Variants in SHANK1 observed in about 807,000 individuals in gnomAD.
The protein encoded by SHANK1 is SH3 and multiple ankyrin repeat domains 1.
A neutral mutation model predicts 165.6 loss-of-function variants in SHANK1; 35 were observed. The observed-to-expected ratio is 0.21, with a 90% CI of 0.16 to 0.28. The LOEUF is 0.28. Ranked by LOEUF, SHANK1 falls within the 10% of genes least tolerant of loss-of-function variation. The pLI, the probability that SHANK1 is intolerant of heterozygous loss-of-function variation, is 1.00. For synonymous variants in SHANK1, 1,428 were observed against 1,384.8 expected, an observed-to-expected ratio of 1.03 and a Z score of -0.69; for missense variants, 2,681 against 3,036.4, an observed-to-expected ratio of 0.88 and a Z score of 2.75.
At position 50,702,899 on chromosome 19, in the gene SHANK1, C is replaced by T. The variant is rs1050929685; in HGVS notation, c.1554-239G>A. Among the ~76,000 whole-genome samples, 11 of 152,116 alleles carry T rather than the reference C, an allele frequency of 7.2e-5. No homozygotes were observed. The highest frequency in any genetic ancestry group is 2.2e-4 in the African/African-American group (9 of 41,416). On this transcript the variant is annotated intron_variant, in intron 11 of 23. Coordinates refer to ENST00000293441, the MANE Select transcript of SHANK1 (RefSeq NM_016148.5). The surrounding 1 kb of genome is among the most constrained non-coding windows in gnomAD (Gnocchi z 5.3). ...GGCTCTGCCCCCTCCCACGGTCCTG[C>T]GCGCACCGCCTGATTCAGCTTCCTG...
chr19:50,710,064 G>A (rs1467735225), intron 8 of SHANK1, among the ~76,000 whole-genome samples: 3 of 152,166 alleles, frequency 2.0e-5, no homozygotes, highest in African/African-American at 7.2e-5. Flanking sequence ...GCCTCAAAGA[G>A]GGGGAGGGAC....
At chr19:50,664,805 A>C (rs1437955785) in intron 23 of SHANK1, among the ~76,000 whole-genome samples, 1 of 152,082 alleles carries the variant, frequency 6.6e-6, no homozygotes, top group African/African-American at 2.4e-5. Context: ...CCCAGGCTGG[A>C]GCACAGTGGT....
chr19:50,687,569 C>T lies in SHANK1; in HGVS notation c.2389+13G>A, dbSNP rs982599036. Reference sequence around the variant, plus strand: ...CCCCCGGCCCCCTGGCCTCAGCAGCCCCGCAGGCTCACCCATCTCCTCCAG... The same window carrying T: ...CCCCCGGCCCCCTGGCCTCAGCAGCTCCGCAGGCTCACCCATCTCCTCCAG... On this transcript the variant is annotated intron_variant, in intron 19 of 23. Transcript: ENST00000293441. 27 of 1,546,294 alleles carry T rather than the reference C, an allele frequency of 1.7e-5. No individual in the cohort carries two copies. The highest frequency in any genetic ancestry group is 1.2e-4 in the Admixed American group (6 of 49,948).
chr19:50,689,401 G>C (rs956812087), intron 15 of SHANK1, 122 bp from the exon 16 acceptor site: 1 of 759,586 alleles, frequency 1.3e-6, no homozygotes, highest in Non-Finnish European at 2.4e-6. Flanking sequence ...GCCATTAATT[G>C]CATCTCCTAG....
Position 50,667,616 on chromosome 19 carries a change from C to A in SHANK1, c.4344G>T (p.Leu1448=). ...GCCCCACCCCGGGAGCGGTGGGCGG[C>A]AGGCGGTGTAGCAGGGAACGCCGGG... ...PAARRSLLHR[L]PPTAPGVGPL... The change falls in exon 23 of 24, where the codon CTG becomes CTT. Residue 1448 remains leucine (L), a synonymous_variant. Transcript: ENST00000293441. This position sits in a 1 kb window ranked among gnomAD's most constrained non-coding sequence, Gnocchi z 5.7. 7.0e-7 allele frequency: 1 copy of A among 1,435,114 alleles called. No individual in the cohort carries two copies. Among genetic ancestry groups the A allele is most frequent in the Admixed American group, 2.9e-5 (1 of 34,950 alleles). 88.9% of individuals were successfully genotyped at this position (1,435,114 alleles called of 1,614,324 possible).
rs975176155 is a variant in SHANK1 at position 50,660,388 on chromosome 19, G to A, written c.*1577C>T. On this transcript the variant is annotated 3_prime_UTR_variant, in exon 24 of 24. Coordinates refer to ENST00000293441, the MANE Select transcript of SHANK1 (RefSeq NM_016148.5). ...AGGAAGGGTGAGGGCTGGAGGCAGG[G>A]AGAGGCTCGAGTGTGGAAGCATGGT... is the stretch of plus-strand genomic sequence containing the variant. Among the ~76,000 whole-genome samples the A allele has an allele frequency of 6.6e-6, 1 of 152,082 alleles. No homozygotes were observed. Among genetic ancestry groups the A allele is most frequent in the Non-Finnish European group, 1.5e-5 (1 of 68,012 alleles).
chr19:50,660,960 T>G lies in SHANK1; in HGVS notation c.*1005A>C, dbSNP rs1280648694. On this transcript the variant is annotated 3_prime_UTR_variant, in exon 24 of 24. Transcript: ENST00000293441. ...AAGGCGGGGGGTGGGGGGCTAGGAG[T>G]GTCATGGTGAGAGGGGAGAGTTGGG... Among the ~76,000 whole-genome samples, 2 of 146,136 alleles carry G rather than the reference T, an allele frequency of 1.4e-5. No homozygotes were observed. Among genetic ancestry groups the G allele is most frequent in the African/African-American group, 2.5e-5 (1 of 39,368 alleles).
intron 21 of SHANK1, among the ~76,000 whole-genome samples, chr19:50,679,947 TAGAG>T (rs895888559): frequency 7.8e-5 from 10 of 128,398 alleles, no homozygotes; most frequent in Non-Finnish European, 9.9e-5. Context: ...GAGACAGAGA[TAGAG>T]AGACAGAGAG....
At chr19:50,687,481 G>A in intron 19 of SHANK1, 101 bp downstream of exon 19, 1 of 888,744 alleles carries the variant, frequency 1.1e-6, no homozygotes, top group South Asian at 1.7e-5. Flanking sequence ...ATGAGGACAA[G>A]GACCCCTGGT....
rs779506333 is a variant in SHANK1 at position 50,714,243 on chromosome 19, G to T, written c.579C>A (p.Asp193Glu). The T allele has an allele frequency of 5.6e-6, 9 of 1,614,124 alleles. No individual in the cohort carries two copies. The Admixed American group carries it at 1.5e-4, about 27-fold the overall frequency. ...CCTTGTCCAGCAGCCGCGCCACCTT[G>T]TCAGATGTCCCGAGCTGCACATACT... is the stretch of plus-strand genomic sequence containing the variant. Reference protein sequence around the residue: ...FLEYVQLGTSDKVARLLDKGL... With the variant: ...FLEYVQLGTSEKVARLLDKGL... The change falls in exon 5 of 24, where the codon GAC (aspartate) becomes GAA (glutamate). Residue 193 changes from aspartate to glutamate, a missense_variant. Physicochemically the swap from Asp to Glu is conservative, Grantham distance 45. Transcript: ENST00000293441.
rs1159224232 is a variant in SHANK1 at position 50,662,200 on chromosome 19, A to C, written c.6251T>G (p.Leu2084Arg). ...RSLSPTRLLS[L>R]PPDKPFGAKP... ...AGCGCCAAACGGCTTGTCCGGGGGC[A>C]GCGAGAGCAGGCGGGTCGGTGAGAG... Residue 2084 changes from leucine to arginine, a missense_variant, in exon 24 of 24, where the codon CTG becomes CGG. Transcript: ENST00000293441. The surrounding 1 kb of genome is among the most constrained non-coding windows in gnomAD (Gnocchi z 7.7). The C allele has an allele frequency of 6.2e-7, 1 of 1,609,800 alleles. No individual in the cohort carries two copies. Among genetic ancestry groups the C allele is most frequent in the South Asian group, 1.1e-5 (1 of 90,828 alleles).
intron 15 of SHANK1, among the ~76,000 whole-genome samples, chr19:50,694,031 A>ACAC (rs1486017854): frequency 7.1e-6 from 1 of 140,162 alleles, no homozygotes; most frequent in African/African-American, 2.8e-5. Context: ...ACACACACAC[A>ACAC]CACACACACA....
chr19:50,709,907 G>A (rs1568444404), intron 8 of SHANK1, among the ~76,000 whole-genome samples: 1 of 152,130 alleles, frequency 6.6e-6, no homozygotes, highest in Non-Finnish European at 1.5e-5. Context: ...TCTGTCTCTC[G>A]ACTGGACCCT....
In SHANK1 at chr19:50,702,548, C is replaced by T. The variant is rs777406787; in HGVS notation, c.1666G>A (p.Gly556Arg). The T allele has an allele frequency of 5.6e-6, 9 of 1,613,182 alleles. No individual in the cohort carries two copies. Among genetic ancestry groups the T allele is most frequent in the Admixed American group, 3.3e-5 (2 of 59,990 alleles). Reference sequence around the variant, plus strand: ...GACTTCACAGCCATGAAGGAGCGTCCGGGTACCGCTGAGTAGAGCTTCCTC... The same window carrying T: ...GACTTCACAGCCATGAAGGAGCGTCTGGGTACCGCTGAGTAGAGCTTCCTC... ...RRRKLYSAVP[G>R]RSFMAVKSYQ... Residue 556 changes from glycine to arginine, a missense_variant, in exon 12 of 24, where the codon GGA becomes AGA. Gly to Arg is a moderately radical substitution (Grantham distance 125). Around this residue, in one of 10 missense-constraint regions of SHANK1, gnomAD observed 195 missense variants for 186.2 expected, o/e 1.05. Transcript: ENST00000293441. The surrounding 1 kb of genome is among the most constrained non-coding windows in gnomAD (Gnocchi z 5.3).
chr19:50,702,653 C>T lies in SHANK1; in HGVS notation c.1561G>A (p.Gly521Arg), dbSNP rs770928043. 1.1e-5 allele frequency: 17 copies of T among 1,567,150 alleles called. No homozygotes were observed. The highest frequency in any genetic ancestry group is 3.7e-5 in the Admixed American group (2 of 54,012). Residue 521 changes from glycine to arginine, a missense_variant, in exon 12 of 24, where the codon GGG (glycine) becomes AGG (arginine). Physicochemically the swap from Gly to Arg is moderately radical, Grantham distance 125. Around this residue, in one of 10 missense-constraint regions of SHANK1, gnomAD observed 195 missense variants for 186.2 expected, o/e 1.05. Transcript: ENST00000293441. The surrounding 1 kb of genome is among the most constrained non-coding windows in gnomAD (Gnocchi z 5.3). ...RQPRGRPSSS[G>R]TPREGPAGGT... ...CCGGCTGGCCCTTCCCGGGGTGTCC[C>T]GCTGGAGCTGCGTACACAGAGGGCA...
chr19:50,714,098 G>C lies in SHANK1; in HGVS notation c.640+84C>G. On this transcript the variant is annotated intron_variant, in intron 5 of 23. Transcript: ENST00000293441. Reference sequence around the variant, plus strand: ...CAATGTGTTTGGGAGACACCAGTCAGGAATGGATGTGAATGCAGATGGCAC... The same window carrying C: ...CAATGTGTTTGGGAGACACCAGTCACGAATGGATGTGAATGCAGATGGCAC... 2.0e-6 allele frequency: 3 copies of C among 1,532,074 alleles called. No individual in the cohort carries two copies. The South Asian group carries it at 3.5e-5, about 18-fold the overall frequency. The allele number at this position is 1,532,074 out of a possible 1,614,324, so 94.9% of individuals were successfully genotyped here. A position where few individuals can be genotyped will look rare whatever the true frequency, so the allele number is the denominator to read the frequency against.
rs1438681747 is a variant in SHANK1 at position 50,719,515 on chromosome 19, C to T, written c.-153G>A. ...GGACCCTCAGGCCATGCCCCACCGC[C>T]CCGGAGGGCGAGCGGGCCCGGGGAG... On this transcript the variant is annotated 5_prime_UTR_variant, in exon 1 of 24. Coordinates refer to ENST00000293441, the MANE Select transcript of SHANK1 (RefSeq NM_016148.5). 6.8e-6 allele frequency: 1 copy of T among 146,308 alleles called. No homozygotes were observed. The highest frequency in any genetic ancestry group is 2.1e-4 in the East Asian group (1 of 4,698). 9.1% of individuals were successfully genotyped at this position (146,308 alleles called of 1,614,324 possible). A position where few individuals can be genotyped will look rare whatever the true frequency, so the allele number is the denominator to read the frequency against.
intron 21 of SHANK1, among the ~76,000 whole-genome samples, chr19:50,679,256 G>A (rs1986093709): frequency 6.7e-6 from 1 of 150,092 alleles, no homozygotes; most frequent in Admixed American, 6.6e-5. Context: ...AGAGTGGCAG[G>A]GAACTGGTTA....
At chr19:50,696,586 T>G (rs1986748595) in intron 15 of SHANK1, among the ~76,000 whole-genome samples, 1 of 151,914 alleles carries the variant, frequency 6.6e-6, no homozygotes, top group Non-Finnish European at 1.5e-5. Context: ...CACAGCCCTG[T>G]CCTTCTGGAG....
Sources: allele counts gnomAD v4.1 joint callset (sites outside exome capture counted in the v4.1 genomes callset), GRCh38; gene constraint gnomAD v4.1.1; regional missense constraint gnomAD v4.1.1; non-coding constraint Gnocchi (gnomAD v3.1); transcripts MANE v1.5; gene names NCBI Gene and HGNC (gene_info 2026-07-23, HGNC 2026-07-21).